HS3ST2: variants seen among roughly 807,000 people sequenced by gnomAD.
HS3ST2 encodes the protein heparan sulfate-glucosamine 3-sulfotransferase 2.
HS3ST2 carries 17 observed loss-of-function variants against 26.3 expected under a neutral mutation model. That is an observed-to-expected ratio of 0.65 (90% CI 0.44 to 0.97). The LOEUF (loss-of-function observed/expected upper bound fraction) is 0.97, where lower values mean the gene tolerates loss of function less well. Among genes scored for constraint, HS3ST2 ranks in the 50% least tolerant of loss-of-function variants. The probability of loss-of-function intolerance (pLI) is 0.00; values close to 1 mark genes in which losing one functional copy is unlikely to be tolerated. For missense variants in HS3ST2, 402 were observed against 501.2 expected, an observed-to-expected ratio of 0.80 and a Z score of 1.89; for synonymous variants, 237 against 219.2, an observed-to-expected ratio of 1.08 and a Z score of -0.72.
At chr16:22,888,801 C>T (rs942702911) in intron 1 of HS3ST2, among the ~76,000 whole-genome samples, 3 of 152,168 alleles carry the variant, frequency 2.0e-5, no homozygotes, top group Non-Finnish European at 4.4e-5. Flanking sequence ...TAGATTTAAC[C>T]AAATTAATGT....
Position 22,915,846 on chromosome 16 carries a change from G to T in HS3ST2, c.*284G>T. ...TGCCCATAAAGGGCCTTGGAGAATT[G>T]CTTTAAGAAGAGTGAATGTTCCAAT... On this transcript the variant is annotated 3_prime_UTR_variant, in exon 2 of 2. Coordinates refer to ENST00000261374, the MANE Select transcript of HS3ST2 (RefSeq NM_006043.2). The T allele has an allele frequency of 2.3e-6, 1 of 432,198 alleles. No individual in the cohort carries two copies. The highest frequency in any genetic ancestry group is 4.1e-6 in the Non-Finnish European group (1 of 243,442). The allele number at this position is 432,198 out of a possible 1,614,324, so 26.8% of individuals were successfully genotyped here. A position where few individuals can be genotyped will look rare whatever the true frequency, so the allele number is the denominator to read the frequency against.
At chr16:22,829,437 A>G (rs1490588504) in intron 1 of HS3ST2, among the ~76,000 whole-genome samples, 3 of 152,188 alleles carry the variant, frequency 2.0e-5, no homozygotes, top group South Asian at 2.1e-4. Flanking sequence ...GTCCTAAACA[A>G]TATTTTTGAC....
chr16:22,833,141 C>G, intron 1 of HS3ST2: 1 of 437,532 alleles, frequency 2.3e-6, no homozygotes, highest in South Asian at 1.7e-5. Flanking sequence ...GACACAGAGA[C>G]TATGTCTATG....
intron 1 of HS3ST2, among the ~76,000 whole-genome samples, chr16:22,891,164 T>G (rs1240298971): frequency 1.3e-5 from 2 of 152,220 alleles, no homozygotes; most frequent in Non-Finnish European, 2.9e-5. Flanking sequence ...CTGCATGTTT[T>G]GCAAGACTCA....
At position 22,880,598 on chromosome 16, in the gene HS3ST2, CT is replaced by C. The variant is rs1419484738; in HGVS notation, c.486-34342del. Among the ~76,000 whole-genome samples, 5 of 152,140 alleles carry C rather than the reference CT, an allele frequency of 3.3e-5. No homozygotes were observed. In the East Asian group the frequency reaches 9.6e-4, roughly 29 times the overall value. On this transcript the variant is annotated intron_variant, in intron 1 of 1. Transcript: ENST00000261374. ...CCACTTTGATTTTTCTCTAGGAAGCCTTTTGTGCCATGTGGCCCAGGCTGAG... is the reference window on the plus strand; with the variant it reads ...CCACTTTGATTTTTCTCTAGGAAGCCTTTGTGCCATGTGGCCCAGGCTGAG...
At chr16:22,818,116 C>A (rs1900900907) in intron 1 of HS3ST2, among the ~76,000 whole-genome samples, 1 of 152,192 alleles carries the variant, frequency 6.6e-6, no homozygotes. Flanking sequence ...TGATGCTTAC[C>A]TCAACTATGT....
At chr16:22,863,648 C>T (rs1007918354) in intron 1 of HS3ST2, among the ~76,000 whole-genome samples, 1 of 152,130 alleles carries the variant, frequency 6.6e-6, no homozygotes, top group African/African-American at 2.4e-5. Flanking sequence ...TCCTGGGACC[C>T]ATCTTCTGGC....
intron 1 of HS3ST2, among the ~76,000 whole-genome samples, chr16:22,870,689 C>A (rs1220083193): frequency 2.6e-5 from 4 of 152,112 alleles, no homozygotes; most frequent in Admixed American, 2.0e-4. Context: ...TTTCTCTCAC[C>A]CGAAATATTT....
At chr16:22,906,039 A>G (rs1338284552) in intron 1 of HS3ST2, among the ~76,000 whole-genome samples, 2 of 152,142 alleles carry the variant, frequency 1.3e-5, no homozygotes, top group Non-Finnish European at 2.9e-5. Context: ...AGTGGTTCTA[A>G]GCACTGGTGG....
intron 1 of HS3ST2, among the ~76,000 whole-genome samples, chr16:22,901,532 G>A (rs1902281884): frequency 2.0e-5 from 3 of 152,144 alleles, no homozygotes; most frequent in Non-Finnish European, 2.9e-5. Context: ...CAGGGAGAAG[G>A]GAGGGCAGGG....
At chr16:22,873,619 A>G (rs1901867976) in intron 1 of HS3ST2, among the ~76,000 whole-genome samples, 1 of 152,232 alleles carries the variant, frequency 6.6e-6, no homozygotes, top group Non-Finnish European at 1.5e-5. Flanking sequence ...GATTAAGCCT[A>G]GTCTATCCTG....
intron 1 of HS3ST2, chr16:22,833,372 A>C (rs3859040): frequency 0.34 from 153,126 of 446,820 alleles, 27,859 homozygotes; most frequent in African/African-American, 0.52. Context: ...GTCTTGCTAA[A>C]CTGTGGATGA....
In HS3ST2 at chr16:22,915,025, A is replaced by C; in HGVS notation, c.567A>C (p.Arg189=). 6.2e-7 allele frequency: 1 copy of C among 1,614,008 alleles called. No individual in the cohort carries two copies. Among genetic ancestry groups the C allele is most frequent in the South Asian group, 1.1e-5 (1 of 91,058 alleles). The change falls in exon 2 of 2, where the codon CGA becomes CGC. Residue 189 remains arginine (R), a synonymous_variant. Transcript: ENST00000261374. ...ACTTTGTCACTCAAGAGGCTCCTCG[A>C]CGCATCTTCAACATGTCCCGAGACA... ...PSYFVTQEAP[R]RIFNMSRDTK...
chr16:22,884,434 AAT>A (rs1203950324), intron 1 of HS3ST2, among the ~76,000 whole-genome samples: 3 of 152,096 alleles, frequency 2.0e-5, no homozygotes, highest in Admixed American at 6.6e-5. Context: ...CTTCATTTAC[AAT>A]AGTTTACGGA....
At chr16:22,856,439 A>T (rs1463006335) in intron 1 of HS3ST2, among the ~76,000 whole-genome samples, 1 of 152,064 alleles carries the variant, frequency 6.6e-6, no homozygotes, top group Non-Finnish European at 1.5e-5. Context: ...GTTTCTTCAG[A>T]TTATTTTTGC....
intron 1 of HS3ST2, among the ~76,000 whole-genome samples, chr16:22,895,819 G>A (rs568634763): frequency 1.4e-4 from 21 of 151,866 alleles, no homozygotes; most frequent in Non-Finnish European, 1.8e-4. Flanking sequence ...GTTTATAATA[G>A]TTCATTTTAT....
rs536147010 is a variant in HS3ST2 at position 22,814,625 on chromosome 16, C to A, written c.15C>A (p.Val5=). 6.5e-7 allele frequency: 1 copy of A among 1,549,570 alleles called. No individual in the cohort carries two copies. Among genetic ancestry groups the A allele is most frequent in the East Asian group, 2.4e-5 (1 of 40,976 alleles). Residue 5 remains valine (V), a synonymous_variant, in exon 1 of 2, where the codon GTC becomes GTA. Coordinates refer to ENST00000261374, the MANE Select transcript of HS3ST2 (RefSeq NM_006043.2). ...CCCATGGAGCCATGGCCTATAGGGT[C>A]CTGGGCCGCGCGGGGCCACCTCAGC... MAYR[V]LGRAGPPQPR...
chr16:22,819,128 CTTCA>C (rs1180382960), intron 1 of HS3ST2, among the ~76,000 whole-genome samples: 18 of 51,774 alleles, frequency 3.5e-4, no homozygotes, highest in East Asian at 6.3e-4. Context: ...TCCTTCCTTC[CTTCA>C]TTCCTTCCTT....
intron 1 of HS3ST2, among the ~76,000 whole-genome samples, chr16:22,901,053 T>C (rs1375120118): frequency 6.6e-6 from 1 of 152,194 alleles, no homozygotes; most frequent in Non-Finnish European, 1.5e-5. Flanking sequence ...AACCTGCTAA[T>C]AGATGGTCAC....
Sources: allele counts gnomAD v4.1 joint callset (sites outside exome capture counted in the v4.1 genomes callset), GRCh38; gene constraint gnomAD v4.1.1; transcripts MANE v1.5; gene names NCBI Gene and HGNC (gene_info 2026-07-23, HGNC 2026-07-21).